MAD1L1: variants seen among roughly 807,000 people sequenced by gnomAD.
The protein encoded by MAD1L1 is mitotic spindle assembly checkpoint protein MAD1.
Under a neutral mutation model 96.9 loss-of-function variants are expected in MAD1L1, and 95 were observed. The ratio of observed to expected loss-of-function variants is 0.98; its 90% confidence interval spans 0.83 to 1.16. MAD1L1 has a LOEUF of 1.16. Ranked by LOEUF, MAD1L1 falls within the 50% of genes most tolerant of loss-of-function variation. The pLI is 0.00. For synonymous variants in MAD1L1, 473 were observed against 396.6 expected, an observed-to-expected ratio of 1.19 and a Z score of -2.29; for missense variants, 1,007 against 954.4, an observed-to-expected ratio of 1.06 and a Z score of -0.73.
chr7:1,865,614 A>G (rs558449915), intron 18 of MAD1L1, among the ~76,000 whole-genome samples: 1 of 152,326 alleles, frequency 6.6e-6, no homozygotes, highest in Admixed American at 6.5e-5. Context: ...TATTAATACC[A>G]TCACCTCAGT....
At chr7:2,079,781 TC>T in intron 11 of MAD1L1, 1 of 470,450 alleles carries the variant, frequency 2.1e-6, no homozygotes, top group Middle Eastern at 3.3e-4. Flanking sequence ...TAAATTCACT[TC>T]CGCCCCAGGC....
intron 10 of MAD1L1, among the ~76,000 whole-genome samples, chr7:2,199,899 G>C (rs994835680): frequency 1.3e-5 from 2 of 152,274 alleles, no homozygotes; most frequent in African/African-American, 4.8e-5. Context: ...CCAGTCCCCA[G>C]CTTAGGGCAG....
chr7:1,909,806 C>A (rs1422160397), intron 17 of MAD1L1, among the ~76,000 whole-genome samples: 1 of 152,216 alleles, frequency 6.6e-6, no homozygotes, highest in African/African-American at 2.4e-5. Context: ...ACCAGACGGC[C>A]CTTGAGACAC....
intron 13 of MAD1L1, among the ~76,000 whole-genome samples, chr7:2,008,932 A>C (rs900097709): frequency 7.2e-5 from 11 of 152,198 alleles, no homozygotes; most frequent in African/African-American, 2.7e-4. Context: ...AGGGGCACAC[A>C]CCAGGGAGCA....
At chr7:2,217,359 G>A (rs978196064) in intron 7 of MAD1L1, among the ~76,000 whole-genome samples, 1 of 152,226 alleles carries the variant, frequency 6.6e-6, no homozygotes. Context: ...GGGCTGCGAG[G>A]GGCCAGGGAC....
At chr7:2,173,659 C>T (rs900176887) in intron 10 of MAD1L1, among the ~76,000 whole-genome samples, 2 of 152,180 alleles carry the variant, frequency 1.3e-5, no homozygotes, top group African/African-American at 4.8e-5. Flanking sequence ...ACCATCTGCC[C>T]GGGCACAGGC....
intron 18 of MAD1L1, among the ~76,000 whole-genome samples, chr7:1,878,995 A>C: frequency 6.6e-6 from 1 of 152,244 alleles, no homozygotes; most frequent in East Asian, 1.9e-4. Context: ...GAAACATTGG[A>C]AAATAAAAAT....
rs774998788 is a variant in MAD1L1, at chr7:1,968,568, C to T, written c.1506-10849G>A. 2.9e-4 allele frequency among the ~76,000 whole-genome samples: 44 copies of T among 151,666 alleles called. No homozygotes were observed. Among genetic ancestry groups the T allele is most frequent in the Admixed American group, 9.8e-4 (15 of 15,250 alleles). ...GTCCACCATCAACGCCTCAGTCCAG[C>T]GGTCAGGTCCACTGTCCACGCCTCA... On this transcript the variant is annotated intron_variant, in intron 15 of 18. Transcript: ENST00000265854. This position sits in a 1 kb window ranked among gnomAD's most constrained non-coding sequence, Gnocchi z 5.6.
In MAD1L1 at chr7:2,215,913, G is replaced by C. The variant is rs182363615; in HGVS notation, c.896C>G (p.Thr299Arg). 1 of 1,614,044 alleles carries C rather than the reference G, an allele frequency of 6.2e-7. No homozygotes were observed. The highest frequency in any genetic ancestry group is 1.1e-5 in the South Asian group (1 of 91,086). Residue 299 changes from threonine to arginine, a missense_variant, in exon 9 of 19, where the codon ACG becomes AGG. Transcript: ENST00000265854. ...GTTCTCCAGCTCCAAGCCAACCAGCGTCTCCTGCATCTTCTCCTGGCGCCC... is the reference window on the plus strand; with the variant it reads ...GTTCTCCAGCTCCAAGCCAACCAGCCTCTCCTGCATCTTCTCCTGGCGCCC... Reference protein sequence around the residue: ...KLGRQEKMQETLVGLELENER... With the variant: ...KLGRQEKMQERLVGLELENER...
At chr7:2,164,953 G>A (rs1473911342) in intron 10 of MAD1L1, among the ~76,000 whole-genome samples, 1 of 152,196 alleles carries the variant, frequency 6.6e-6, no homozygotes, top group Non-Finnish European at 1.5e-5. Context: ...GAGGCTGAGG[G>A]AAGGGGGCAT....
intron 18 of MAD1L1, among the ~76,000 whole-genome samples, chr7:1,871,920 A>C (rs918311502): frequency 6.6e-6 from 1 of 152,120 alleles, no homozygotes; most frequent in Non-Finnish European, 1.5e-5. Flanking sequence ...ATGAGAAGAG[A>C]GGGGGCAGAA....
chr7:2,014,933 T>C (rs1430082452), intron 12 of MAD1L1, among the ~76,000 whole-genome samples: 1 of 152,234 alleles, frequency 6.6e-6, no homozygotes, highest in Admixed American at 6.5e-5. Context: ...ACCGGCAGTA[T>C]GGCTATGGGG....
At chr7:1,924,009 G>A (rs1235667641) in intron 17 of MAD1L1, among the ~76,000 whole-genome samples, 2 of 152,172 alleles carry the variant, frequency 1.3e-5, no homozygotes, top group Non-Finnish European at 2.9e-5. Context: ...CTAGAATCTC[G>A]GGATATTCAA....
chr7:2,201,098 CTCACAGCCCCAA>C (rs1159598340), intron 10 of MAD1L1, among the ~76,000 whole-genome samples: 14 of 152,196 alleles, frequency 9.2e-5, no homozygotes, highest in African/African-American at 3.4e-4. Context: ...GAGGTCACAC[CTCACAGCCCCAA>C]AGCTGACGTT....
intron 14 of MAD1L1, among the ~76,000 whole-genome samples, chr7:1,986,494 T>C (rs1781152178): frequency 6.8e-6 from 1 of 148,038 alleles, no homozygotes; most frequent in South Asian, 2.2e-4. Flanking sequence ...CGCGGCTCCC[T>C]CGCGCCGGCA....
intron 12 of MAD1L1, among the ~76,000 whole-genome samples, chr7:2,038,219 G>T (rs1010481324): frequency 2.0e-5 from 3 of 152,150 alleles, no homozygotes; most frequent in Non-Finnish European, 4.4e-5. Context: ...GCAGAGGTGG[G>T]TTCATGAGGT....
At chr7:2,123,836 C>T (rs143331794) in intron 11 of MAD1L1, among the ~76,000 whole-genome samples, 78 of 152,342 alleles carry the variant, frequency 5.1e-4, no homozygotes, top group African/African-American at 1.8e-3. Context: ...ACCACTCAAG[C>T]CAGAAATAAA....
At chr7:2,153,054 C>T (rs1789657888) in intron 10 of MAD1L1, among the ~76,000 whole-genome samples, 1 of 152,090 alleles carries the variant, frequency 6.6e-6, no homozygotes, top group Admixed American at 6.5e-5. Flanking sequence ...GGATTACAGG[C>T]TGAAACCTAA....
At chr7:1,915,211 G>A (rs879650208) in intron 17 of MAD1L1, among the ~76,000 whole-genome samples, 20 of 152,288 alleles carry the variant, frequency 1.3e-4, no homozygotes, top group Middle Eastern at 3.4e-3. Context: ...CTGCCCTAAT[G>A]GATGTTGCTT....
Sources: allele counts gnomAD v4.1 joint callset (sites outside exome capture counted in the v4.1 genomes callset), GRCh38; gene constraint gnomAD v4.1.1; non-coding constraint Gnocchi (gnomAD v3.1); transcripts MANE v1.5; gene names NCBI Gene and HGNC (gene_info 2026-07-23, HGNC 2026-07-21).